Variants in EXT1 observed in about 807,000 individuals in gnomAD.
EXT1 encodes exostosin glycosyltransferase 1, also known as exostosin-1.
In EXT1, 20 loss-of-function variants were observed where a neutral mutation model predicts 82.5. That is an observed-to-expected ratio of 0.24 (90% CI 0.17 to 0.35). The LOEUF (loss-of-function observed/expected upper bound fraction) is 0.35, where lower values mean the gene tolerates loss of function less well. EXT1 is among the 10% of genes least tolerant of loss of function. The pLI, the probability that EXT1 is intolerant of heterozygous loss-of-function variation, is 1.00. For missense variants in EXT1, 757 were observed against 936.5 expected, an observed-to-expected ratio of 0.81 and a Z score of 2.50; for synonymous variants, 348 against 350.8, an observed-to-expected ratio of 0.99 and a Z score of 0.09.
chr8:118,002,537 T>C (rs1013729158), intron 1 of EXT1, among the ~76,000 whole-genome samples: 3 of 91,168 alleles, frequency 3.3e-5, no homozygotes, highest in African/African-American at 1.6e-4. Context: ...TCTTTTTTTT[T>C]TTTTTTTTTT....
intron 1 of EXT1, among the ~76,000 whole-genome samples, chr8:118,019,848 AG>A (rs1816069873): frequency 2.0e-5 from 3 of 152,366 alleles, no homozygotes; most frequent in Non-Finnish European, 4.4e-5. Context: ...CTTAGCCACC[AG>A]GAACACTGCC....
At chr8:117,980,959 C>T (rs1027200573) in intron 1 of EXT1, among the ~76,000 whole-genome samples, 14 of 152,202 alleles carry the variant, frequency 9.2e-5, no homozygotes, top group African/African-American at 3.4e-4. Context: ...CTTATTACTG[C>T]GCTGTCATTC....
At chr8:118,013,313 A>G (rs189824825) in intron 1 of EXT1, among the ~76,000 whole-genome samples, 114 of 152,240 alleles carry the variant, frequency 7.5e-4, no homozygotes, top group Non-Finnish European at 1.5e-3. Context: ...GGTTTGAGCA[A>G]TTCTCCTGCC....
At chr8:117,861,526 G>GCCCTGTTAGTCAAATAC (rs1554581959) in intron 1 of EXT1, among the ~76,000 whole-genome samples, 85 of 82,810 alleles carry the variant, frequency 1.0e-3, no homozygotes, top group South Asian at 2.1e-3. Flanking sequence ...ATAGAGTCTT[G>GCCCTGTTAGTCAAATAC]CTCTGTCACC....
At chr8:117,858,766 A>AGGC (rs1554581731) in intron 1 of EXT1, among the ~76,000 whole-genome samples, 947 of 54,380 alleles carry the variant, frequency 0.017, 43 homozygotes, top group African/African-American at 0.041. Context: ...GGAAGGAAGG[A>AGGC]AGGCAGGCAG....
intron 1 of EXT1, among the ~76,000 whole-genome samples, chr8:117,994,097 C>T (rs1283101244): frequency 6.6e-6 from 1 of 152,228 alleles, no homozygotes; most frequent in African/African-American, 2.4e-5. Context: ...CCACTAGCCA[C>T]ATATGGCTAT....
At chr8:118,061,497 G>A (rs1006904383) in intron 1 of EXT1, among the ~76,000 whole-genome samples, 2 of 152,158 alleles carry the variant, frequency 1.3e-5, no homozygotes, top group Admixed American at 6.5e-5. Context: ...GGGATGGCTC[G>A]TTACATTCCT....
intron 5 of EXT1, among the ~76,000 whole-genome samples, chr8:117,820,754 A>G (rs1211843856): frequency 2.0e-5 from 3 of 152,088 alleles, no homozygotes; most frequent in Non-Finnish European, 2.9e-5. Flanking sequence ...TTAACAAATG[A>G]CAAGTACTCA....
chr8:118,064,262 G>C (rs1166820589), intron 1 of EXT1, among the ~76,000 whole-genome samples: 1 of 151,984 alleles, frequency 6.6e-6, no homozygotes, highest in Non-Finnish European at 1.5e-5. Flanking sequence ...CACATGCCAT[G>C]GTGGTTTGCT....
intron 1 of EXT1, among the ~76,000 whole-genome samples, chr8:117,869,413 T>A (rs762155191): frequency 8.5e-5 from 13 of 152,158 alleles, no homozygotes; most frequent in Admixed American, 4.6e-4. Flanking sequence ...ACTCTCTGAG[T>A]CCAGGATGCA....
intron 1 of EXT1, among the ~76,000 whole-genome samples, chr8:117,885,514 AAAG>A (rs1813133285): frequency 7.1e-6 from 1 of 141,218 alleles, no homozygotes; most frequent in South Asian, 2.3e-4. Context: ...AAAAAAAAAG[AAAG>A]AAAGAAATCT....
At chr8:117,929,706 T>TA (rs1814015292) in intron 1 of EXT1, among the ~76,000 whole-genome samples, 1 of 152,176 alleles carries the variant, frequency 6.6e-6, no homozygotes, top group Non-Finnish European at 1.5e-5. Context: ...AATTCCTAAC[T>TA]ATAAAGCTTT....
At chr8:117,928,133 T>C (rs1280621426) in intron 1 of EXT1, among the ~76,000 whole-genome samples, 6 of 152,206 alleles carry the variant, frequency 3.9e-5, no homozygotes, top group Admixed American at 3.3e-4. Context: ...TTGGAGTTGA[T>C]AGAGAACATC....
At position 117,799,642 on chromosome 8, in the gene EXT1, T is replaced by G; in HGVS notation, c.*70A>C. ...ATCTGGCTCTGCTGATGAGTGGATCTGCACTGGGAAGAGAGAGCAGCTTGA... is the reference window on the plus strand; with the variant it reads ...ATCTGGCTCTGCTGATGAGTGGATCGGCACTGGGAAGAGAGAGCAGCTTGA... On this transcript the variant is annotated 3_prime_UTR_variant, in exon 11 of 11. Coordinates refer to ENST00000378204, the MANE Select transcript of EXT1 (RefSeq NM_000127.3). 3.2e-6 allele frequency: 5 copies of G among 1,555,698 alleles called. No individual in the cohort carries two copies. Among genetic ancestry groups the G allele is most frequent in the Non-Finnish European group, 1.8e-6 (2 of 1,127,416 alleles).
chr8:118,000,912 G>C (rs1371816257), intron 1 of EXT1, among the ~76,000 whole-genome samples: 1 of 152,000 alleles, frequency 6.6e-6, no homozygotes, highest in African/African-American at 2.4e-5. Flanking sequence ...ATTAAAACTG[G>C]GGAGCCCAAC....
intron 3 of EXT1, chr8:117,831,539 C>A: frequency 2.1e-6 from 1 of 469,552 alleles, no homozygotes; most frequent in South Asian, 1.6e-5. Flanking sequence ...ATTTCATTTA[C>A]GGAGTCTATA....
intron 1 of EXT1, among the ~76,000 whole-genome samples, chr8:118,035,129 A>G (rs1414671399): frequency 6.6e-6 from 1 of 152,186 alleles, no homozygotes. Context: ...AAAGGAATAG[A>G]CATTTTTTGA....
intron 1 of EXT1, among the ~76,000 whole-genome samples, chr8:118,103,919 T>C (rs1002350782): frequency 6.6e-5 from 10 of 152,278 alleles, no homozygotes; most frequent in Admixed American, 2.0e-4. Flanking sequence ...AGTAAAGCAA[T>C]GGAAAAAAGA....
In EXT1 at chr8:117,879,555, C is replaced by G. The variant is rs17503948; in HGVS notation, c.963-42354G>C. Among the ~76,000 whole-genome samples, 1,289 of 152,192 alleles carry G rather than the reference C, an allele frequency of 8.5e-3. 14 individuals carry two copies. Among genetic ancestry groups the G allele is most frequent in the African/African-American group, 0.03 (1,234 of 41,500 alleles). ...CTTTATACAGGCAGGAGGAAGGAGA[C>G]AGGTTATGGTGACACTAACCTCTTG... On this transcript the variant is annotated intron_variant, in intron 1 of 10. Transcript: ENST00000378204.
Sources: gnomAD v4.1 joint callset for allele counts (sites outside exome capture counted in the v4.1 genomes callset) on GRCh38, gnomAD v4.1.1 for gene constraint, MANE v1.5 for transcripts, NCBI Gene and HGNC (gene_info 2026-07-23, HGNC 2026-07-21) for gene names.